The following MYO5B variants were observed in gnomAD, a reference collection of about 807,000 sequenced individuals.
MYO5B encodes myosin VB, also known as unconventional myosin-Vb.
A neutral mutation model predicts 229.3 loss-of-function variants in MYO5B; 143 were observed. The observed-to-expected ratio is 0.62, with a 90% CI of 0.54 to 0.72. The LOEUF is 0.72. Ranked by LOEUF, MYO5B falls within the 30% of genes least tolerant of loss-of-function variation. MYO5B has a pLI of 0.00. For synonymous variants in MYO5B, 918 were observed against 885.2 expected, an observed-to-expected ratio of 1.04 and a Z score of -0.66; for missense variants, 2,321 against 2,331.0, an observed-to-expected ratio of 1.00 and a Z score of 0.09.
chr18:49,835,407 G>A lies in MYO5B; in HGVS notation c.5331C>T (p.Asn1777=). 1 of 1,612,436 alleles carries A rather than the reference G, an allele frequency of 6.2e-7. No homozygotes were observed. The highest frequency in any genetic ancestry group is 8.5e-7 in the Non-Finnish European group (1 of 1,179,108). Residue 1777 remains asparagine (N), a synonymous_variant, in exon 39 of 40, where the codon AAC becomes AAT. Transcript: ENST00000285039. ...CAAATTCATTCAGGGGAGTATAAAG[G>A]TTTAAAATTTTGACAATCTGTTGGG... The part of the protein sequence containing the change: ...LSTQQIVKIL[N]LYTPLNEFEE...
At position 49,942,312 on chromosome 18, in the gene MYO5B, G is replaced by C. The variant is rs537573084; in HGVS notation, c.1753-4915C>G. On this transcript the variant is annotated intron_variant, in intron 14 of 39. Transcript: ENST00000285039. Reference sequence around the variant, plus strand: ...CATGTCTAAAACACCAAAAGCAATGGCAACAAAAGCAAAAATGGGATCTAA... The same window carrying C: ...CATGTCTAAAACACCAAAAGCAATGCCAACAAAAGCAAAAATGGGATCTAA... Among the ~76,000 whole-genome samples the C allele has an allele frequency of 4.9e-5, 7 of 142,064 alleles. No homozygotes were observed. The South Asian group carries it at 1.6e-3, about 32-fold the overall frequency. 93.2% of individuals were successfully genotyped at this position (142,064 alleles called of 152,430 possible).
chr18:50,132,070 TACC>T (rs2144547998), intron 1 of MYO5B, among the ~76,000 whole-genome samples: 1 of 152,368 alleles, frequency 6.6e-6, no homozygotes, highest in South Asian at 2.1e-4. Context: ...TAGCAAAATA[TACC>T]ACATTTCCTG....
rs561098286 is a variant in MYO5B, at chr18:50,188,706, G to A, written c.27+6061C>T. Among the ~76,000 whole-genome samples, 7 of 145,512 alleles carry A rather than the reference G, an allele frequency of 4.8e-5. No individual in the cohort carries two copies. In the South Asian group the frequency reaches 6.8e-4, roughly 14 times the overall value. ...GGAGGCTGAGGCCGCAGAATCACTC[G>A]AACCCAGGAGGCAGAGGTTGCAGTG... On this transcript the variant is annotated intron_variant, in intron 1 of 39. Transcript: ENST00000285039.
intron 1 of MYO5B, among the ~76,000 whole-genome samples, chr18:50,158,399 T>C (rs1416336673): frequency 6.6e-6 from 1 of 152,206 alleles, no homozygotes; most frequent in Non-Finnish European, 1.5e-5. Context: ...CCATTCCCTA[T>C]TTTTATGCAG....
chr18:50,040,394 G>A, intron 2 of MYO5B, 80 bp from the exon 3 acceptor site: 1 of 1,301,000 alleles, frequency 7.7e-7, no homozygotes, highest in South Asian at 1.2e-5. Context: ...CTTCTTAGCT[G>A]GAATCACCAT....
intron 4 of MYO5B, among the ~76,000 whole-genome samples, chr18:50,018,987 C>T (rs1366494407): frequency 6.6e-6 from 1 of 152,148 alleles, no homozygotes; most frequent in Non-Finnish European, 1.5e-5. Flanking sequence ...TACATGATTG[C>T]CCACTTACAT....
At position 49,835,341 on chromosome 18, in the gene MYO5B, C is replaced by T; in HGVS notation, c.5394+3G>A. On this transcript the variant is annotated splice_donor_region_variant and intron_variant, in intron 39 of 39. Transcript: ENST00000285039. ...TTTATAAAATTACTATCTTAAAACT[C>T]ACCTGGATTGTTCGTATAAAGGCCA... 1 of 1,601,752 alleles carries T rather than the reference C, an allele frequency of 6.2e-7. No homozygotes were observed. Among genetic ancestry groups the T allele is most frequent in the East Asian group, 2.2e-5 (1 of 44,824 alleles).
chr18:50,044,462 C>G (rs1598977202), intron 2 of MYO5B, among the ~76,000 whole-genome samples: 1 of 152,080 alleles, frequency 6.6e-6, no homozygotes, highest in Admixed American at 6.6e-5. Context: ...TAACAATTCT[C>G]ACAAAATTAA....
intron 2 of MYO5B, among the ~76,000 whole-genome samples, chr18:50,043,491 T>A (rs1399952839): frequency 4.1e-5 from 5 of 121,016 alleles, no homozygotes; most frequent in Non-Finnish European, 6.4e-5. Context: ...AAATATATTT[T>A]TATATATAAA....
At chr18:50,192,487 T>C (rs946641528) in intron 1 of MYO5B, among the ~76,000 whole-genome samples, 1 of 152,232 alleles carries the variant, frequency 6.6e-6, no homozygotes, top group Non-Finnish European at 1.5e-5. Flanking sequence ...GCCATTTTGC[T>C]TGTTGTCTTT....
intron 12 of MYO5B, among the ~76,000 whole-genome samples, chr18:49,955,800 C>A (rs1266342641): frequency 2.6e-5 from 4 of 152,158 alleles, no homozygotes; most frequent in Non-Finnish European, 5.9e-5. Flanking sequence ...TGTCTCCAAG[C>A]ATTCTGTGTT....
At chr18:49,937,530 G>T in intron 14 of MYO5B, 133 bp from the exon 15 acceptor site, 1 of 1,040,464 alleles carries the variant, frequency 9.6e-7, no homozygotes, top group Non-Finnish European at 1.4e-6. Context: ...ACACCAACCT[G>T]CACAGCAGCG....
At chr18:49,957,930 GC>G (rs572341425) in intron 12 of MYO5B, among the ~76,000 whole-genome samples, 3 of 151,398 alleles carry the variant, frequency 2.0e-5, no homozygotes, top group Non-Finnish European at 4.4e-5. Flanking sequence ...AGCCCAGCTG[GC>G]CCCCCCCAGG....
chr18:49,836,978 C>A, intron 37 of MYO5B, 93 bp from the exon 38 acceptor site: 1 of 1,203,520 alleles, frequency 8.3e-7, no homozygotes, highest in Non-Finnish European at 1.2e-6. Flanking sequence ...CCCGCTGCAG[C>A]TAGTGCCATT....
intron 1 of MYO5B, among the ~76,000 whole-genome samples, chr18:50,155,586 AAG>A (rs564435886): frequency 1.5e-3 from 231 of 152,358 alleles, no homozygotes; most frequent in African/African-American, 5.2e-3. Context: ...TTAGTCAGAG[AAG>A]AGTCATTAAA....
In MYO5B at chr18:50,106,573, C is replaced by G. The variant is rs144604136; in HGVS notation, c.28-51195G>C. Among the ~76,000 whole-genome samples, 1,159 of 152,316 alleles carry G rather than the reference C, an allele frequency of 7.6e-3. 19 individuals carry two copies. The highest frequency in any genetic ancestry group is 0.052 in the South Asian group (249 of 4,822). ...TATTGCTAGGCCTTTACAGTATCCTCCCTGTGCCTGGAATGCTCGCCCACC... is the reference window on the plus strand; with the variant it reads ...TATTGCTAGGCCTTTACAGTATCCTGCCTGTGCCTGGAATGCTCGCCCACC... On this transcript the variant is annotated intron_variant, in intron 1 of 39. Coordinates refer to ENST00000285039, the MANE Select transcript of MYO5B (RefSeq NM_001080467.3).
intron 4 of MYO5B, among the ~76,000 whole-genome samples, chr18:50,019,905 T>C (rs930512853): frequency 9.9e-5 from 15 of 152,202 alleles, no homozygotes; most frequent in Non-Finnish European, 1.9e-4. Flanking sequence ...ATCTGTCTAC[T>C]CTACCTATGA....
At chr18:49,986,844 G>C (rs2144303750) in intron 7 of MYO5B, among the ~76,000 whole-genome samples, 1 of 152,226 alleles carries the variant, frequency 6.6e-6, no homozygotes, top group South Asian at 2.1e-4. Context: ...TGGGGTTTAA[G>C]GGGTGCCCAG....
At chr18:49,938,725 C>T (rs966217651) in intron 14 of MYO5B, among the ~76,000 whole-genome samples, 2 of 152,186 alleles carry the variant, frequency 1.3e-5, no homozygotes, top group Non-Finnish European at 2.9e-5. Context: ...CAACTGGTCA[C>T]GTTGCTGTCT....
Sources: gnomAD v4.1 joint callset for allele counts (sites outside exome capture counted in the v4.1 genomes callset) on GRCh38, gnomAD v4.1.1 for gene constraint, MANE v1.5 for transcripts, NCBI Gene and HGNC (gene_info 2026-07-23, HGNC 2026-07-21) for gene names.